Variants in COL6A3 observed in about 807,000 individuals in gnomAD.
The protein encoded by COL6A3 is collagen type VI alpha 3 chain.
COL6A3 carries 137 observed loss-of-function variants against 274.1 expected under a neutral mutation model. That is an observed-to-expected ratio of 0.50 (90% CI 0.44 to 0.58). The LOEUF is 0.58. Among genes scored for constraint, COL6A3 ranks in the 20% least tolerant of loss-of-function variants. The pLI, the probability that COL6A3 is intolerant of heterozygous loss-of-function variation, is 0.00. For missense variants in COL6A3, 3,950 were observed against 4,124.9 expected, an observed-to-expected ratio of 0.96 and a Z score of 1.16; for synonymous variants, 1,650 against 1,650.6, an observed-to-expected ratio of 1.00 and a Z score of 0.01.
chr2:237,380,319 G>T (rs1342183287), intron 5 of COL6A3, among the ~76,000 whole-genome samples: 1 of 152,218 alleles, frequency 6.6e-6, no homozygotes, highest in Non-Finnish European at 1.5e-5. Flanking sequence ...TTAGCTCATA[G>T]ATCTGTATAA....
intron 1 of COL6A3, among the ~76,000 whole-genome samples, chr2:237,404,061 A>G (rs543617845): frequency 9.2e-5 from 14 of 152,220 alleles, no homozygotes; most frequent in Non-Finnish European, 1.9e-4. Context: ...TACATTTTAT[A>G]TGTGCTATTC....
Position 237,374,699 on chromosome 2 carries a change from C to A in COL6A3, c.3392G>T (p.Gly1131Val), listed in dbSNP as rs769494656. 1.2e-6 allele frequency: 2 copies of A among 1,613,698 alleles called. No individual in the cohort carries two copies. The highest frequency in any genetic ancestry group is 2.2e-5 in the East Asian group (1 of 44,842). ...GAGGACGATCAGCAGCTGGGGCACACCTTCTGTTATCCTGCTTCCCGCAGA... is the reference window on the plus strand; with the variant it reads ...GAGGACGATCAGCAGCTGGGGCACAACTTCTGTTATCCTGCTTCCCGCAGA... ...VSSAGSRITE[G>V]VPQLLIVLTA... Residue 1131 changes from glycine (G) to valine (V), a missense_variant, in exon 8 of 44, where the codon GGT becomes GTT. By Grantham distance (109) the Gly-to-Val change is moderately radical. Coordinates refer to ENST00000295550, the MANE Select transcript of COL6A3 (RefSeq NM_004369.4). The surrounding 1 kb of genome is among the most constrained non-coding windows in gnomAD (Gnocchi z 4.8).
intron 2 of COL6A3, 36 bp downstream of exon 2, chr2:237,396,691 C>G: frequency 6.3e-7 from 1 of 1,593,782 alleles, no homozygotes; most frequent in Non-Finnish European, 8.6e-7. Flanking sequence ...GAATGATATT[C>G]CTTTTTACAA....
chr2:237,403,264 C>A (rs2078638019), intron 1 of COL6A3, among the ~76,000 whole-genome samples: 1 of 152,130 alleles, frequency 6.6e-6, no homozygotes, highest in Non-Finnish European at 1.5e-5. Flanking sequence ...ACAGTGTGGG[C>A]CCTAGGCCTG....
rs556177124 is a variant in COL6A3 at position 237,392,209 on chromosome 2, A to G, written c.709+2378T>C. 9.2e-5 allele frequency among the ~76,000 whole-genome samples: 14 copies of G among 152,262 alleles called. No homozygotes were observed. In the South Asian group the frequency reaches 2.5e-3, roughly 27 times the overall value. On this transcript the variant is annotated intron_variant, in intron 3 of 43. Transcript: ENST00000295550. ...CATTTTATGAACAAACTTCTGAAAC[A>G]CCCTGGAGCTGGCTAGTTCTGAAAC...
At chr2:237,408,904 T>A (rs2078785758) in intron 1 of COL6A3, among the ~76,000 whole-genome samples, 1 of 152,226 alleles carries the variant, frequency 6.6e-6, no homozygotes, top group African/African-American at 2.4e-5. Flanking sequence ...CAGATTTTTT[T>A]AAGCAACAGT....
chr2:237,346,136 A>C (rs1360884361), intron 32 of COL6A3, among the ~76,000 whole-genome samples: 2 of 152,190 alleles, frequency 1.3e-5, no homozygotes, highest in Non-Finnish European at 2.9e-5. Context: ...AAGCATTGTC[A>C]AACCAAGGCC....
Position 237,334,724 on chromosome 2 carries a change from A to AC in COL6A3, c.9130dup (p.Val3044GlyfsTer49). 6.2e-7 allele frequency: 1 copy of AC among 1,614,094 alleles called. No homozygotes were observed. Among genetic ancestry groups the AC allele is most frequent in the Non-Finnish European group, 8.5e-7 (1 of 1,180,028 alleles). On this transcript the variant is annotated frameshift_variant, in exon 41 of 44. Coordinates refer to ENST00000295550, the MANE Select transcript of COL6A3 (RefSeq NM_004369.4). LOFTEE classifies it high-confidence loss of function. ...CTGCCCAGCGAGCAGGCCTCCAATG[A>AC]CGCGGTCCGTGACCGTGAGGTTCTG...
intron 28 of COL6A3, among the ~76,000 whole-genome samples, chr2:237,349,282 C>T (rs1339482811): frequency 6.6e-6 from 1 of 152,162 alleles, no homozygotes. Flanking sequence ...CTATCTCTAA[C>T]ATATGTAGGA....
chr2:237,351,148 G>T lies in COL6A3; in HGVS notation c.6798C>A (p.Thr2266=). The T allele has an allele frequency of 1.9e-6, 3 of 1,614,216 alleles. No homozygotes were observed. The highest frequency in any genetic ancestry group is 1.7e-6 in the Non-Finnish European group (2 of 1,180,036). Residue 2266 remains threonine, a synonymous_variant, in exon 27 of 44, where the codon ACC becomes ACA. Transcript: ENST00000295550. ...GACAAACCTTTCTTCCCAGTGGACC[G>T]GTTCTGCCTCGTTCTCCAGGAGCAC... ...AAGAPGERGR[T]GPLGRKGEPG...
chr2:237,340,471 C>T lies in COL6A3; in HGVS notation c.8445G>A (p.Leu2815=), dbSNP rs768347756. The T allele has an allele frequency of 6.8e-6, 11 of 1,613,270 alleles. No individual in the cohort carries two copies. Among genetic ancestry groups the T allele is most frequent in the Non-Finnish European group, 7.6e-6 (9 of 1,180,010 alleles). The change falls in exon 38 of 44, where the codon CTG becomes CTA. Residue 2815 remains leucine, a synonymous_variant. Transcript: ENST00000295550. ...ACTTACTGCTGACGAAGGATGGCAA[C>T]AGCCTCCCGAAGCGCATCAAAGGCT... ...NEEPLMRFGR[L]LPSFVSSENA...
At chr2:237,373,874 A>G (rs2077761263) in intron 8 of COL6A3, among the ~76,000 whole-genome samples, 1 of 152,352 alleles carries the variant, frequency 6.6e-6, no homozygotes, top group East Asian at 1.9e-4. Context: ...AACTATGGTC[A>G]TAAGAGCCAG....
intron 28 of COL6A3, 118 bp downstream of exon 28, chr2:237,350,029 C>T (rs970099163): frequency 2.1e-5 from 20 of 972,032 alleles, no homozygotes; most frequent in South Asian, 1.9e-4. Context: ...TATTTCCAGC[C>T]GTATCCCCAA....
intron 17 of COL6A3, among the ~76,000 whole-genome samples, chr2:237,359,768 G>A (rs2077394004): frequency 6.6e-6 from 1 of 152,178 alleles, no homozygotes; most frequent in Non-Finnish European, 1.5e-5. Flanking sequence ...TCCCTTCCCT[G>A]ACTGCTCCCA....
intron 1 of COL6A3, among the ~76,000 whole-genome samples, chr2:237,409,752 AG>A (rs1419026770): frequency 1.3e-5 from 2 of 152,234 alleles, no homozygotes; most frequent in African/African-American, 4.8e-5. Flanking sequence ...AAAGTATCAA[AG>A]GACATGTCAC....
chr2:237,359,353 C>G lies in COL6A3; in HGVS notation c.6309+9G>C. On this transcript the variant is annotated intron_variant, in intron 18 of 43. Coordinates refer to ENST00000295550, the MANE Select transcript of COL6A3 (RefSeq NM_004369.4). The stretch of plus-strand genomic sequence containing the variant: ...TTTCCATTTGTAAAACAAAACCAAG[C>G]TTGCATACCTTCTCTCCTGGGAATC... The G allele has an allele frequency of 6.2e-7, 1 of 1,614,110 alleles. No homozygotes were observed. The highest frequency in any genetic ancestry group is 8.5e-7 in the Non-Finnish European group (1 of 1,180,014).
chr2:237,409,675 A>G (rs2078806226), intron 1 of COL6A3, among the ~76,000 whole-genome samples: 2 of 152,230 alleles, frequency 1.3e-5, no homozygotes, highest in Admixed American at 1.3e-4. Context: ...TCAAGACGAG[A>G]CATTCATAAT....
intron 9 of COL6A3, among the ~76,000 whole-genome samples, chr2:237,370,519 G>A (rs1341115229): frequency 6.6e-6 from 1 of 152,196 alleles, no homozygotes; most frequent in Non-Finnish European, 1.5e-5. Context: ...TTACAGGCGT[G>A]AGCCACCACG....
chr2:237,355,691 C>T (rs1360181845), intron 23 of COL6A3: 1 of 152,214 alleles, frequency 6.6e-6, no homozygotes, highest in African/African-American at 2.4e-5. Flanking sequence ...GGGGCTCAGT[C>T]ATCTGCTACA....
Sources: allele counts gnomAD v4.1 joint callset (sites outside exome capture counted in the v4.1 genomes callset), GRCh38; gene constraint gnomAD v4.1.1; non-coding constraint Gnocchi (gnomAD v3.1); transcripts MANE v1.5; gene names NCBI Gene and HGNC (gene_info 2026-07-23, HGNC 2026-07-21).